Variants in ADGRG4 observed in about 807,000 individuals in gnomAD.
The protein encoded by ADGRG4 is adhesion G protein-coupled receptor G4, also known as G protein-coupled receptor 112.
Under a neutral mutation model 126.2 loss-of-function variants are expected in ADGRG4, and 122 were observed. The ratio of observed to expected loss-of-function variants is 0.97; its 90% CI spans 0.83 to 1.12. The LOEUF is 1.12. Ranked by LOEUF, ADGRG4 falls within the 50% of genes most tolerant of loss-of-function variation. The pLI is 0.00. For synonymous variants in ADGRG4, 943 were observed against 838.7 expected, an observed-to-expected ratio of 1.12 and a Z score of -2.15; for missense variants, 2,481 against 2,251.8, an observed-to-expected ratio of 1.10 and a Z score of -2.06.
chrX:136,370,935 A>G (rs758768083), intron 13 of ADGRG4, among the ~76,000 whole-genome samples: 106 of 111,126 alleles, frequency 9.5e-4, no homozygotes, highest in African/African-American at 3.4e-3. Flanking sequence ...GGAAAATGTA[A>G]CCATCACCCT....
intron 15 of ADGRG4, among the ~76,000 whole-genome samples, chrX:136,378,079 T>G (rs932966068): frequency 3.6e-5 from 4 of 111,451 alleles, no homozygotes; most frequent in Admixed American, 9.5e-5. Flanking sequence ...GAGAATTTAT[T>G]TCTTAGTAAT....
At chrX:136,413,263 A>G (rs1241313991) in intron 24 of ADGRG4, among the ~76,000 whole-genome samples, 2 of 64,948 alleles carry the variant, frequency 3.1e-5, no homozygotes, top group Non-Finnish European at 5.5e-5. Context: ...AACAGTCCCC[A>G]GAGTGTGATA....
At chrX:136,387,930 T>G in intron 16 of ADGRG4, 56 bp downstream of exon 16, 1 of 1,042,348 alleles carries the variant, frequency 9.6e-7, no homozygotes. Context: ...CTCATTGTAA[T>G]TATGAACTCT....
At chrX:136,341,527 A>G (rs1193040310) in intron 5 of ADGRG4, among the ~76,000 whole-genome samples, 2 of 112,076 alleles carry the variant, frequency 1.8e-5, no homozygotes, top group Non-Finnish European at 3.8e-5. Context: ...GATCCTGACA[A>G]TTCTCCTTTC....
chrX:136,339,291 T>C lies in ADGRG4; in HGVS notation c.686-5101T>C, dbSNP rs2074966011. Among the ~76,000 whole-genome samples the C allele has an allele frequency of 2.7e-5, 3 of 111,627 alleles. No homozygotes were observed. In the South Asian group the frequency reaches 1.2e-3, roughly 43 times the overall value. On this transcript the variant is annotated intron_variant, in intron 5 of 25. Coordinates refer to ENST00000394143, the MANE Select transcript of ADGRG4 (RefSeq NM_153834.4). ...GGCCACTTGCTATTACTGGCTCCCTTTTTCCTCTTATGCCTGCCTGCCTTG... is the reference window on the plus strand; with the variant it reads ...GGCCACTTGCTATTACTGGCTCCCTCTTTCCTCTTATGCCTGCCTGCCTTG...
chrX:136,386,823 C>A (rs768411194), intron 15 of ADGRG4, among the ~76,000 whole-genome samples: 4 of 112,261 alleles, frequency 3.6e-5, no homozygotes, highest in Admixed American at 2.8e-4. Flanking sequence ...TTGTCAAATA[C>A]TATTACCAAT....
Position 136,344,787 on chromosome X carries a change from G to A in ADGRG4, c.1081G>A (p.Ala361Thr), listed in dbSNP as rs1380996596. 3 of 1,209,004 alleles carry A rather than the reference G, an allele frequency of 2.5e-6. No individual in the cohort carries two copies. The highest frequency in any genetic ancestry group is 3.4e-6 in the Non-Finnish European group (3 of 893,635). ...TKTTKMVEAM[A>T]TEIFQPPTPS... is the part of the protein sequence containing the mutation. Reference sequence around the variant, plus strand: ...GACAACAAAAATGGTTGAAGCCATGGCTACTGAAATCTTTCAACCACCTAC... The same window carrying A: ...GACAACAAAAATGGTTGAAGCCATGACTACTGAAATCTTTCAACCACCTAC... Residue 361 changes from alanine (A) to threonine (T), a missense_variant, in exon 6 of 26, where the codon GCT becomes ACT. Physicochemically the swap from Ala to Thr is moderately conservative, Grantham distance 58. Coordinates refer to ENST00000394143, the MANE Select transcript of ADGRG4 (RefSeq NM_153834.4).
chrX:136,306,384 CTCCT>C (rs1391649107), intron 3 of ADGRG4, among the ~76,000 whole-genome samples: 1 of 110,535 alleles, frequency 9.0e-6, no homozygotes, highest in Non-Finnish European at 1.9e-5. Context: ...TTTACTTTTC[CTCCT>C]TCCTTCCTTT....
At position 136,304,860 on chromosome X, in the gene ADGRG4, G is replaced by A. The variant is rs915202198; in HGVS notation, c.-173G>A. The A allele has an allele frequency of 4.4e-5, 5 of 112,367 alleles. No individual in the cohort carries two copies. The highest frequency in any genetic ancestry group is 3.8e-5 in the Non-Finnish European group (2 of 53,281). 9.3% of individuals were successfully genotyped at this position (112,367 alleles called of 1,213,427 possible). On this transcript the variant is annotated 5_prime_UTR_variant, in exon 3 of 26. In the 5' UTR this introduces an upstream ATG that the reference lacks. Transcript: ENST00000394143. ...GGCTCCACATCTTCTTGTAGGCTGT[G>A]TGACCCCACGTTGGGGACAGGTCAC...
chrX:136,363,240 C>G (rs2075138892), intron 12 of ADGRG4, among the ~76,000 whole-genome samples: 1 of 111,336 alleles, frequency 9.0e-6, no homozygotes, highest in African/African-American at 3.3e-5. Flanking sequence ...TCCCAGCTCC[C>G]TTACCTGTTT....
chrX:136,348,130 A>G lies in ADGRG4; in HGVS notation c.4424A>G (p.Asn1475Ser). The G allele has an allele frequency of 8.3e-7, 1 of 1,210,236 alleles. No homozygotes were observed. The highest frequency in any genetic ancestry group is 1.1e-6 in the Non-Finnish European group (1 of 894,401). The change falls in exon 6 of 26, where the codon AAT becomes AGT. Residue 1475 changes from asparagine to serine, a missense_variant. By Grantham distance (46) the Asn-to-Ser change is conservative. Coordinates refer to ENST00000394143, the MANE Select transcript of ADGRG4 (RefSeq NM_153834.4). ...TCTCTTTCCACAGCTGGACTATATA[A>G]TGACGGTTTTACAGTTCTCTCCGAC... The part of the protein sequence containing the change: ...SLSLSTAGLY[N>S]DGFTVLSDRI...
chrX:136,337,042 G>C (rs1236345102), intron 5 of ADGRG4, among the ~76,000 whole-genome samples: 1 of 110,901 alleles, frequency 9.0e-6, no homozygotes, highest in African/African-American at 3.3e-5. Flanking sequence ...ATAGCTCACA[G>C]CAACCTCAAA....
At position 136,346,701 on chromosome X, in the gene ADGRG4, C is replaced by A. The variant is rs752342413; in HGVS notation, c.2995C>A (p.Pro999Thr). ...GTCTGATGGTATCTTACCTCCACAG[C>A]CTACAGCTGCTCATTCCTCAGCAAC... is the stretch of plus-strand genomic sequence containing the variant. ...SLSDGILPPQ[P>T]TAAHSSATPV... Residue 999 changes from proline to threonine, a missense_variant, in exon 6 of 26, where the codon CCT (proline) becomes ACT (threonine). Physicochemically the swap from Pro to Thr is conservative, Grantham distance 38. Transcript: ENST00000394143. 5.8e-6 allele frequency: 7 copies of A among 1,210,123 alleles called. No homozygotes were observed. The South Asian group carries it at 1.1e-4, about 18-fold the overall frequency.
chrX:136,415,828 G>A (rs369022627), intron 25 of ADGRG4, among the ~76,000 whole-genome samples: 2 of 112,134 alleles, frequency 1.8e-5, no homozygotes, highest in East Asian at 5.6e-4. Flanking sequence ...TTGCTTCAGA[G>A]GATCAGTAGC....
At position 136,317,866 on chromosome X, in the gene ADGRG4, C is replaced by T. The variant is rs189510901; in HGVS notation, c.71-4912C>T. 3.8e-4 allele frequency among the ~76,000 whole-genome samples: 43 copies of T among 111,913 alleles called. No individual in the cohort carries two copies. The East Asian group carries it at 0.011, about 28-fold the overall frequency. On this transcript the variant is annotated intron_variant, in intron 4 of 25. Transcript: ENST00000394143. ...TACCACTCCATAACCTCTAGGATGACAATAATAATAGTAAATGGAAAACAA... is the reference window on the plus strand; with the variant it reads ...TACCACTCCATAACCTCTAGGATGATAATAATAATAGTAAATGGAAAACAA...
intron 4 of ADGRG4, among the ~76,000 whole-genome samples, chrX:136,318,838 GT>G (rs1266116711): frequency 1.8e-5 from 2 of 112,046 alleles, no homozygotes; most frequent in Non-Finnish European, 1.9e-5. Context: ...ATACTTTTCA[GT>G]TTTTCTTTAA....
rs1376681905 is a variant in ADGRG4, at chrX:136,349,931, T to C, written c.6225T>C (p.Pro2075=). The C allele has an allele frequency of 5.8e-6, 7 of 1,208,930 alleles. No individual in the cohort carries two copies. In the African/African-American group the frequency reaches 1.2e-4, roughly 21 times the overall value. The part of the protein sequence containing the change: ...STILTRTIPT[P]TLGGITTGFP... ...TACTCACCCGAACCATTCCTACACC[T>C]ACACTGGGTGGTATCACTACTGGCT... Residue 2075 remains proline (P), a synonymous_variant, in exon 6 of 26, where the codon CCT becomes CCC. Transcript: ENST00000394143.
intron 9 of ADGRG4, among the ~76,000 whole-genome samples, chrX:136,356,738 C>T (rs2075096048): frequency 8.9e-6 from 1 of 112,338 alleles, no homozygotes; most frequent in African/African-American, 3.2e-5. Flanking sequence ...TGACTCACAC[C>T]TGTAATCCCA....
At chrX:136,360,125 G>A (rs1221511856) in intron 11 of ADGRG4, among the ~76,000 whole-genome samples, 2 of 111,314 alleles carry the variant, frequency 1.8e-5, no homozygotes, top group African/African-American at 3.3e-5. Flanking sequence ...GGGCAGAAAC[G>A]TGTTGAAGCC....
Sources: gnomAD v4.1 joint callset for allele counts (sites outside exome capture counted in the v4.1 genomes callset) on GRCh38, gnomAD v4.1.1 for gene constraint, MANE v1.5 for transcripts, NCBI Gene and HGNC (gene_info 2026-07-23, HGNC 2026-07-21) for gene names.